The following MROH2A variants were observed in gnomAD, a reference collection of about 807,000 sequenced individuals.
MROH2A encodes the protein maestro heat like repeat family member 2A, also known as maestro heat-like repeat-containing protein family member 2A.
A neutral mutation model predicts 200.4 loss-of-function variants in MROH2A; 174 were observed. The ratio of observed to expected loss-of-function variants is 0.87; its 90% CI spans 0.77 to 0.98. The LOEUF is 0.98. Ranked by LOEUF, MROH2A falls within the 50% of genes least tolerant of loss-of-function variation. MROH2A has a pLI of 0.00. For missense variants in MROH2A, 2,045 were observed against 2,139.6 expected (o/e 0.96, Z 0.87); for synonymous variants, 829 against 840.4 (o/e 0.99, Z 0.23).
chr2:233,791,338 C>A (rs1477421654), intron 5 of MROH2A, among the ~76,000 whole-genome samples: 1 of 152,156 alleles, frequency 6.6e-6, no homozygotes, highest in East Asian at 1.9e-4. Flanking sequence ...TGGGAAGGGG[C>A]TCTGAGACGG....
chr2:233,779,273 G>T, intron 1 of MROH2A, 72 bp from the exon 2 acceptor site: 2 of 903,556 alleles, frequency 2.2e-6, no homozygotes, highest in South Asian at 2.9e-5. Context: ...TTATGGAAGG[G>T]TGTGGGTCGT....
At chr2:233,823,200 T>G (rs1704068785) in intron 34 of MROH2A, among the ~76,000 whole-genome samples, 182 bp downstream of exon 34, 1 of 152,170 alleles carries the variant, frequency 6.6e-6, no homozygotes, top group Admixed American at 6.5e-5. Flanking sequence ...AACCTTTTAT[T>G]CGAACCCTTC....
At chr2:233,808,329 G>A (rs147840953) in intron 21 of MROH2A, among the ~76,000 whole-genome samples, 281 of 152,302 alleles carry the variant, frequency 1.8e-3, no homozygotes, top group African/African-American at 6.3e-3. Context: ...GTCCATTGGC[G>A]TGCGGCTGGT....
intron 13 of MROH2A, 100 bp from the exon 14 acceptor site, chr2:233,800,105 A>G (rs1381616624): frequency 1.0e-5 from 11 of 1,077,104 alleles, no homozygotes; most frequent in South Asian, 7.8e-5. Context: ...TAGACTCAGT[A>G]TCTGGGCATG....
At chr2:233,801,012 G>A (rs1702438874) in intron 14 of MROH2A, among the ~76,000 whole-genome samples, 1 of 152,088 alleles carries the variant, frequency 6.6e-6, no homozygotes. Flanking sequence ...ACATATAGCA[G>A]GTATACTGTA....
Position 233,796,216 on chromosome 2 carries a change from G to A in MROH2A, c.1155G>A (p.Lys385=), listed in dbSNP as rs1174275446. 1 of 1,550,370 alleles carries A rather than the reference G, an allele frequency of 6.5e-7. No homozygotes were observed. Among genetic ancestry groups the A allele is most frequent in the Admixed American group, 2.0e-5 (1 of 50,982 alleles). Residue 385 remains lysine (K), a synonymous_variant, in exon 11 of 42, where the codon AAG becomes AAA. Coordinates refer to ENST00000389758, the MANE Select transcript of MROH2A (RefSeq NM_001394639.1). ...CFVALARSYP[K]ELMKFFFSQM... ...ACCCTGCAGCTCGCTCCTACCCCAA[G>A]GAGCTGATGAAGTTCTTCTTCAGCC...
At position 233,807,562 on chromosome 2, in the gene MROH2A, C is replaced by T. The variant is rs1702881018; in HGVS notation, c.2172+20C>T. The T allele has an allele frequency of 6.5e-7, 1 of 1,549,844 alleles. No individual in the cohort carries two copies. The highest frequency in any genetic ancestry group is 8.7e-7 in the Non-Finnish European group (1 of 1,146,772). The stretch of plus-strand genomic sequence containing the variant: ...AGCGAGGTGAGGGTGCCTGCAGCCT[C>T]CTCCTGTCCACCAGATGCCTCTGGA... On this transcript the variant is annotated intron_variant, in intron 20 of 41. Transcript: ENST00000389758. This position sits in a 1 kb window ranked among gnomAD's most constrained non-coding sequence, Gnocchi z 4.3.
upstream of MROH2A, among the ~76,000 whole-genome samples, chr2:233,777,243 G>A (rs539260868): frequency 7.2e-5 from 11 of 152,216 alleles, no homozygotes; most frequent in Non-Finnish European, 8.8e-5. Context: ...AAGACCTTCA[G>A]AGGACAGAGA....
rs1364479553 is a variant in MROH2A, at chr2:233,820,128, G to A, written c.3512+72G>A. 3.7e-6 allele frequency: 5 copies of A among 1,355,706 alleles called. No individual in the cohort carries two copies. Among genetic ancestry groups the A allele is most frequent in the African/African-American group, 1.5e-5 (1 of 67,546 alleles). The allele number at this position is 1,355,706 out of a possible 1,614,324, so 84.0% of individuals were successfully genotyped here. A position where few individuals can be genotyped will look rare whatever the true frequency, so the allele number is the denominator to read the frequency against. ...CATGCCCAACTCACCACCCCGATGT[G>A]TCCCAGAAGCCTGGAGCCTTGGGCA... On this transcript the variant is annotated intron_variant, in intron 31 of 41. Coordinates refer to ENST00000389758, the MANE Select transcript of MROH2A (RefSeq NM_001394639.1). This position sits in a 1 kb window ranked among gnomAD's most constrained non-coding sequence, Gnocchi z 4.1.
Position 233,822,396 on chromosome 2 carries a change from C to T in MROH2A, c.3706C>T (p.Leu1236=). ...CACCATCCACCTTCTCATTCAGAAG[C>T]TGGATGAGAATGACAAGCTCCCGGA... The part of the protein sequence containing the change: ...LCTIHLLIQK[L]DENDKLPDFL... Residue 1236 remains leucine (L), a synonymous_variant, in exon 33 of 42, where the codon CTG becomes TTG. Coordinates refer to ENST00000389758, the MANE Select transcript of MROH2A (RefSeq NM_001394639.1). 1.3e-6 allele frequency: 2 copies of T among 1,551,166 alleles called. No homozygotes were observed. Among genetic ancestry groups the T allele is most frequent in the Non-Finnish European group, 8.7e-7 (1 of 1,147,108 alleles).
At position 233,807,923 on chromosome 2, in the gene MROH2A, A is replaced by G; in HGVS notation, c.2295+68A>G. 2 of 1,543,004 alleles carry G rather than the reference A, an allele frequency of 1.3e-6. No homozygotes were observed. Among genetic ancestry groups the G allele is most frequent in the Non-Finnish European group, 1.8e-6 (2 of 1,140,950 alleles). On this transcript the variant is annotated intron_variant, in intron 21 of 41. Transcript: ENST00000389758. This position sits in a 1 kb window ranked among gnomAD's most constrained non-coding sequence, Gnocchi z 4.3. ...GCACAGTGCTCTGGGCACTGACACA[A>G]AGTCCTTTCTAGATCTCAGTAGGAA...
rs1429047167 is a variant in MROH2A at position 233,819,334 on chromosome 2, T to G, written c.3222T>G (p.Phe1074Leu). 6.5e-7 allele frequency: 1 copy of G among 1,550,350 alleles called. No homozygotes were observed. Among genetic ancestry groups the G allele is most frequent in the Non-Finnish European group, 8.7e-7 (1 of 1,146,774 alleles). Residue 1074 changes from phenylalanine to leucine, a missense_variant, in exon 30 of 42, where the codon TTT becomes TTG. Phe to Leu is a conservative substitution (Grantham distance 22). Around this residue, in one of 3 missense-constraint regions of MROH2A, gnomAD observed 1,201 missense variants for 1,311.3 expected, o/e 0.92. Coordinates refer to ENST00000389758, the MANE Select transcript of MROH2A (RefSeq NM_001394639.1). ...GCTCCTAGGTGGTCTGCATGGAGTT[T>G]AGCTGCGATGAGGTGGTCTCGCTCA... ...SRIAKVVCME[F>L]SCDEVVSLIQ...
rs1303874391 is a variant in MROH2A at position 233,807,551 on chromosome 2, G to A, written c.2172+9G>A. The A allele has an allele frequency of 6.5e-6, 10 of 1,550,140 alleles. No individual in the cohort carries two copies. Among genetic ancestry groups the A allele is most frequent in the Non-Finnish European group, 8.7e-6 (10 of 1,146,910 alleles). On this transcript the variant is annotated intron_variant, in intron 20 of 41. Coordinates refer to ENST00000389758, the MANE Select transcript of MROH2A (RefSeq NM_001394639.1). The surrounding 1 kb of genome is among the most constrained non-coding windows in gnomAD (Gnocchi z 4.3). ...ATGACTTTGACAGCGAGGTGAGGGTGCCTGCAGCCTCCTCCTGTCCACCAG... is the reference window on the plus strand; with the variant it reads ...ATGACTTTGACAGCGAGGTGAGGGTACCTGCAGCCTCCTCCTGTCCACCAG...
chr2:233,790,125 T>G, intron 5 of MROH2A, 111 bp downstream of exon 5: 1 of 1,082,100 alleles, frequency 9.2e-7, no homozygotes, highest in Non-Finnish European at 1.3e-6. Context: ...CTTTCATTTC[T>G]CTCTTTTTCC....
chr2:233,807,557 A>G lies in MROH2A; in HGVS notation c.2172+15A>G. ...TTGACAGCGAGGTGAGGGTGCCTGC[A>G]GCCTCCTCCTGTCCACCAGATGCCT... On this transcript the variant is annotated intron_variant, in intron 20 of 41. Coordinates refer to ENST00000389758, the MANE Select transcript of MROH2A (RefSeq NM_001394639.1). The surrounding 1 kb of genome is among the most constrained non-coding windows in gnomAD (Gnocchi z 4.3). 1 of 1,550,094 alleles carries G rather than the reference A, an allele frequency of 6.5e-7. No individual in the cohort carries two copies. The highest frequency in any genetic ancestry group is 8.7e-7 in the Non-Finnish European group (1 of 1,146,802).
chr2:233,799,637 T>C (rs1442340870), intron 12 of MROH2A, 143 bp from the exon 13 acceptor site: 2 of 1,036,426 alleles, frequency 1.9e-6, no homozygotes, highest in Non-Finnish European at 2.8e-6. Context: ...CAGGGGGAGG[T>C]GGACAGAGTG....
At chr2:233,787,179 G>A (rs537003686) in intron 3 of MROH2A, among the ~76,000 whole-genome samples, 13 of 151,904 alleles carry the variant, frequency 8.6e-5, no homozygotes, top group African/African-American at 2.2e-4. Context: ...AATATTCTCC[G>A]AAGATTATTC....
At position 233,833,369 on chromosome 2, in the gene MROH2A, T is replaced by C; in HGVS notation, c.*110T>C. 1 of 1,189,200 alleles carries C rather than the reference T, an allele frequency of 8.4e-7. No individual in the cohort carries two copies. Among genetic ancestry groups the C allele is most frequent in the Middle Eastern group, 2.0e-4 (1 of 4,970 alleles). The allele number at this position is 1,189,200 out of a possible 1,614,324, so 73.7% of individuals were successfully genotyped here. ...AGGAAAAACACTATTGTAAAATAAC[T>C]AGTATCCTTTTGTTTCCTTCCGTTG... On this transcript the variant is annotated 3_prime_UTR_variant, in exon 42 of 42. Coordinates refer to ENST00000389758, the MANE Select transcript of MROH2A (RefSeq NM_001394639.1).
intron 12 of MROH2A, 131 bp from the exon 13 acceptor site, chr2:233,799,649 G>T (rs1702331436): frequency 3.5e-6 from 4 of 1,141,388 alleles, no homozygotes; most frequent in Non-Finnish European, 4.9e-6. Context: ...GACAGAGTGG[G>T]CAGTAATCAG....
Sources: allele counts gnomAD v4.1 joint callset (sites outside exome capture counted in the v4.1 genomes callset), GRCh38; gene constraint gnomAD v4.1.1; regional missense constraint gnomAD v4.1.1; non-coding constraint Gnocchi (gnomAD v3.1); transcripts MANE v1.5; gene names NCBI Gene and HGNC (gene_info 2026-07-23, HGNC 2026-07-21).